CCDC178: variants seen among roughly 807,000 people sequenced by gnomAD.
The protein encoded by CCDC178 is coiled-coil domain-containing protein 178.
Under a neutral mutation model 117.4 loss-of-function variants are expected in CCDC178, and 126 were observed. That is an observed-to-expected ratio of 1.07 (90% CI 0.93 to 1.24). CCDC178 has a LOEUF of 1.24. CCDC178 is among the 50% of genes most tolerant of loss of function. CCDC178 has a pLI of 0.00. For synonymous variants in CCDC178, 283 were observed against 313.4 expected (o/e 0.90, Z 1.02); for missense variants, 1,030 against 986.9 (o/e 1.04, Z -0.59).
intron 20 of CCDC178, among the ~76,000 whole-genome samples, chr18:33,169,880 G>A (rs535062063): frequency 1.4e-4 from 22 of 152,172 alleles, no homozygotes; most frequent in African/African-American, 4.8e-4. Context: ...CCACCTCTAC[G>A]TATCATTGCA....
intron 21 of CCDC178, among the ~76,000 whole-genome samples, chr18:33,089,676 G>A (rs1001042281): frequency 2.2e-4 from 34 of 152,126 alleles, no homozygotes; most frequent in African/African-American, 7.2e-4. Flanking sequence ...CAATATCTGC[G>A]TGCTTGCTTA....
intron 6 of CCDC178, among the ~76,000 whole-genome samples, chr18:33,357,468 C>T (rs1048780496): frequency 2.0e-5 from 3 of 152,094 alleles, no homozygotes; most frequent in South Asian, 2.1e-4. Flanking sequence ...AGTTCAACTG[C>T]TATTTATTCC....
At chr18:32,977,526 G>T (rs1242843582) in intron 21 of CCDC178, among the ~76,000 whole-genome samples, 2 of 152,070 alleles carry the variant, frequency 1.3e-5, no homozygotes. Context: ...GTTGTAATTT[G>T]GAATTTTTAA....
At chr18:33,292,480 T>C (rs72948822) in intron 12 of CCDC178, among the ~76,000 whole-genome samples, 7,114 of 152,064 alleles carry the variant, frequency 0.047, 202 homozygotes, top group East Asian at 0.13. Context: ...TATAGCTTAA[T>C]AGAGAAGTAA....
chr18:33,293,087 T>C, intron 12 of CCDC178, 72 bp downstream of exon 12: 4 of 1,079,396 alleles, frequency 3.7e-6, no homozygotes, highest in Non-Finnish European at 2.6e-6. Flanking sequence ...ATTTAATTAT[T>C]GACAAAAAAG....
intron 21 of CCDC178, among the ~76,000 whole-genome samples, chr18:32,997,486 T>A (rs1199305497): frequency 6.6e-6 from 1 of 152,174 alleles, no homozygotes; most frequent in African/African-American, 2.4e-5. Context: ...TCATTGGATG[T>A]TCAGCCTGTC....
chr18:33,434,850 G>A (rs2064267955), intron 2 of CCDC178, among the ~76,000 whole-genome samples: 1 of 152,176 alleles, frequency 6.6e-6, no homozygotes, highest in Non-Finnish European at 1.5e-5. Context: ...GTAGGAGAAG[G>A]AAGAGGGAAA....
intron 20 of CCDC178, among the ~76,000 whole-genome samples, chr18:33,170,364 T>C (rs551801698): frequency 4.1e-4 from 62 of 152,248 alleles, no homozygotes; most frequent in African/African-American, 1.4e-3. Flanking sequence ...TGAAGTTCTT[T>C]TGGATTCTTA....
chr18:33,346,070 C>T (rs2062888283), intron 9 of CCDC178, 141 bp downstream of exon 9: 3 of 562,230 alleles, frequency 5.3e-6, no homozygotes, highest in South Asian at 2.7e-5. Flanking sequence ...TCAAGTGATC[C>T]GCATCCCCAG....
In CCDC178 at chr18:33,195,473, C is replaced by T. The variant is rs865907428; in HGVS notation, c.2238+16423G>A. On this transcript the variant is annotated intron_variant, in intron 20 of 22. Transcript: ENST00000383096. ...CCATTAGGCCTCATTTCAAAAACAA[C>T]CTACGAACCTTAAGCTCAACACACA... 8.0e-4 allele frequency among the ~76,000 whole-genome samples: 122 copies of T among 152,230 alleles called. 1 individual carries two copies. The highest frequency in any genetic ancestry group is 2.6e-3 in the African/African-American group (110 of 41,552).
At chr18:32,998,129 C>T (rs960266692) in intron 21 of CCDC178, among the ~76,000 whole-genome samples, 5 of 152,210 alleles carry the variant, frequency 3.3e-5, no homozygotes, top group Non-Finnish European at 5.9e-5. Context: ...TATCCTCTGG[C>T]AGCAGCCATG....
chr18:33,226,786 G>T lies in CCDC178; in HGVS notation c.1656+7C>A. The T allele has an allele frequency of 6.4e-7, 1 of 1,557,420 alleles. No homozygotes were observed. The highest frequency in any genetic ancestry group is 1.2e-5 in the South Asian group (1 of 85,228). ...AGAATAAAATATTAAAACCAAATCA[G>T]TATTACCTGAAGCACCATTCCAGCA... is the stretch of plus-strand genomic sequence containing the variant. On this transcript the variant is annotated splice_region_variant and intron_variant, in intron 16 of 22. Transcript: ENST00000383096.
chr18:32,983,225 G>A (rs1192231857), intron 21 of CCDC178: 1 of 990,108 alleles, frequency 1.0e-6, no homozygotes, highest in Non-Finnish European at 1.5e-6. Context: ...CTTGTTAGAG[G>A]TTACAGTATT....
chr18:33,379,387 C>T lies in CCDC178; in HGVS notation c.209-9198G>A, dbSNP rs146109190. ...GCCAATAGATGCCACTTATGCGTGG[C>T]AGCCAGCTGTGGCCAACGTTGCTGG... On this transcript the variant is annotated intron_variant, in intron 5 of 22. Coordinates refer to ENST00000383096, the MANE Select transcript of CCDC178 (RefSeq NM_001105528.4). Among the ~76,000 whole-genome samples, 30 of 152,048 alleles carry T rather than the reference C, an allele frequency of 2.0e-4. 1 individual carries two copies. The East Asian group carries it at 4.7e-3, about 24-fold the overall frequency.
At chr18:33,397,421 T>G (rs2063654517) in intron 3 of CCDC178, among the ~76,000 whole-genome samples, 1 of 152,076 alleles carries the variant, frequency 6.6e-6, no homozygotes, top group Admixed American at 6.6e-5. Flanking sequence ...TAGAAAACAC[T>G]GCGGAAGAAA....
At chr18:33,394,832 A>C (rs1178193281) in intron 4 of CCDC178, among the ~76,000 whole-genome samples, 1 of 149,990 alleles carries the variant, frequency 6.7e-6, no homozygotes, top group African/African-American at 2.4e-5. Flanking sequence ...TAAATGTATA[A>C]TTCAATACAA....
intron 14 of CCDC178, among the ~76,000 whole-genome samples, chr18:33,265,104 C>T (rs1245956605): frequency 6.6e-6 from 1 of 151,896 alleles, no homozygotes; most frequent in Non-Finnish European, 1.5e-5. Flanking sequence ...CTTTAAAAAC[C>T]AACATCCTTA....
At chr18:32,977,368 CCA>C (rs1478871055) in intron 21 of CCDC178, among the ~76,000 whole-genome samples, 1 of 152,092 alleles carries the variant, frequency 6.6e-6, no homozygotes, top group African/African-American at 2.4e-5. Flanking sequence ...TAGACCTTTG[CCA>C]CAGAGTTTCC....
At chr18:33,212,177 T>G in intron 19 of CCDC178, 122 bp from the exon 20 acceptor site, 1 of 655,850 alleles carries the variant, frequency 1.5e-6, no homozygotes, top group Non-Finnish European at 2.4e-6. Flanking sequence ...CTGACAGGCC[T>G]TGGAAAAATT....
Sources: gnomAD v4.1 joint callset for allele counts (sites outside exome capture counted in the v4.1 genomes callset) on GRCh38, gnomAD v4.1.1 for gene constraint, MANE v1.5 for transcripts, NCBI Gene and HGNC (gene_info 2026-07-23, HGNC 2026-07-21) for gene names.